Variants in CFAP20DC observed in about 807,000 individuals in gnomAD.
CFAP20DC encodes the protein CFAP20 domain containing.
CFAP20DC carries 84 observed loss-of-function variants against 101.7 expected under a neutral mutation model. The observed-to-expected ratio is 0.83, with a 90% confidence interval of 0.69 to 0.99. The LOEUF is 0.99. Ranked by LOEUF, CFAP20DC falls within the 50% of genes least tolerant of loss-of-function variation. The pLI, the probability that CFAP20DC is intolerant of heterozygous loss-of-function variation, is 0.00. For synonymous variants in CFAP20DC, 359 were observed against 351.2 expected (o/e 1.02, Z -0.25); for missense variants, 1,007 against 970.3 (o/e 1.04, Z -0.50).
intron 15 of CFAP20DC, among the ~76,000 whole-genome samples, chr3:58,804,768 T>C (rs980526264): frequency 6.6e-6 from 1 of 152,228 alleles, no homozygotes; most frequent in Non-Finnish European, 1.5e-5. Context: ...CTAGATGAGC[T>C]GCAAGATTCT....
intron 4 of CFAP20DC, among the ~76,000 whole-genome samples, chr3:58,950,931 G>C: frequency 6.6e-6 from 1 of 152,110 alleles, no homozygotes; most frequent in East Asian, 1.9e-4. Context: ...TAAACTAAAA[G>C]CTTCTGCACA....
intron 5 of CFAP20DC, among the ~76,000 whole-genome samples, chr3:58,925,942 T>C (rs1402557125): frequency 6.6e-6 from 1 of 152,228 alleles, no homozygotes; most frequent in Non-Finnish European, 1.5e-5. Flanking sequence ...AATAAACTTA[T>C]TTTGAATTAG....
chr3:58,890,513 C>T (rs1466139372), intron 6 of CFAP20DC, among the ~76,000 whole-genome samples: 36 of 146,410 alleles, frequency 2.5e-4, no homozygotes, highest in Admixed American at 5.4e-4. Flanking sequence ...TAGGGGCAGC[C>T]GGGCAGAGGC....
rs1459032034 is a variant in CFAP20DC, at chr3:59,001,915, AAAG to A, written c.278+37639_278+37641del. On this transcript the variant is annotated intron_variant, in intron 4 of 16. Coordinates refer to ENST00000482387, the MANE Select transcript of CFAP20DC (RefSeq NM_001394063.1). The surrounding 1 kb of genome is among the most constrained non-coding windows in gnomAD (Gnocchi z 4.5). The stretch of plus-strand genomic sequence containing the variant: ...GAAGGACAAAAACGTGACATGTGGT[AAAG>A]AAGAGATTCCAAAACAGAGACATTC... 6.6e-6 allele frequency among the ~76,000 whole-genome samples: 1 copy of A among 152,224 alleles called. No homozygotes were observed. Among genetic ancestry groups the A allele is most frequent in the African/African-American group, 2.4e-5 (1 of 41,456 alleles).
intron 6 of CFAP20DC, among the ~76,000 whole-genome samples, chr3:58,896,056 T>C (rs1384777840): frequency 1.3e-5 from 2 of 152,234 alleles, no homozygotes; most frequent in Non-Finnish European, 2.9e-5. Context: ...TCCGTATCAC[T>C]GCTTCAATTT....
chr3:58,913,936 A>C lies in CFAP20DC; in HGVS notation c.394-72T>G. Reference sequence around the variant, plus strand: ...ATAAATGAACAAACCATCTATATGTAGACATTCAAAGAGTTGAGGCAGTTA... The same window carrying C: ...ATAAATGAACAAACCATCTATATGTCGACATTCAAAGAGTTGAGGCAGTTA... On this transcript the variant is annotated intron_variant, in intron 5 of 16. Coordinates refer to ENST00000482387, the MANE Select transcript of CFAP20DC (RefSeq NM_001394063.1). This position sits in a 1 kb window ranked among gnomAD's most constrained non-coding sequence, Gnocchi z 4.4. 6.7e-7 allele frequency: 1 copy of C among 1,492,078 alleles called. No individual in the cohort carries two copies. The highest frequency in any genetic ancestry group is 9.2e-7 in the Non-Finnish European group (1 of 1,081,846). 92.4% of individuals were successfully genotyped at this position (1,492,078 alleles called of 1,614,324 possible).
intron 15 of CFAP20DC, among the ~76,000 whole-genome samples, chr3:58,778,611 TTGC>T (rs2107551214): frequency 6.6e-6 from 1 of 152,312 alleles, no homozygotes; most frequent in African/African-American, 2.4e-5. Context: ...ACCTGATCCC[TTGC>T]TGCTATTTCT....
At chr3:58,958,516 C>T (rs1004275655) in intron 4 of CFAP20DC, among the ~76,000 whole-genome samples, 4 of 152,098 alleles carry the variant, frequency 2.6e-5, no homozygotes, top group Non-Finnish European at 4.4e-5. Context: ...TATGTGGACA[C>T]GTTTTCACTG....
chr3:58,876,441 G>A lies in CFAP20DC; in HGVS notation c.716-6132C>T, dbSNP rs536692221. Among the ~76,000 whole-genome samples, 111 of 152,066 alleles carry A rather than the reference G, an allele frequency of 7.3e-4. 1 individual carries two copies. The South Asian group carries it at 0.01, about 14-fold the overall frequency. On this transcript the variant is annotated intron_variant, in intron 7 of 16. Transcript: ENST00000482387. ...AATGCATGCTTTTGAATTCTAAAAG[G>A]AGCTCTTTTAAGAGCTGATATCAAT...
Position 58,864,992 on chromosome 3 carries a change from T to C in CFAP20DC, c.1259-1100A>G, listed in dbSNP as rs1168602723. Reference sequence around the variant, plus strand: ...TTTATAGCTCTATGATCCTGATGAATTGAAAAAGACAGATCTTTATAATGA... The same window carrying C: ...TTTATAGCTCTATGATCCTGATGAACTGAAAAAGACAGATCTTTATAATGA... On this transcript the variant is annotated intron_variant, in intron 11 of 16. Coordinates refer to ENST00000482387, the MANE Select transcript of CFAP20DC (RefSeq NM_001394063.1). The surrounding 1 kb of genome is among the most constrained non-coding windows in gnomAD (Gnocchi z 4.7). Among the ~76,000 whole-genome samples, 1 of 152,162 alleles carries C rather than the reference T, an allele frequency of 6.6e-6. No individual in the cohort carries two copies. The highest frequency in any genetic ancestry group is 1.9e-4 in the East Asian group (1 of 5,206).
chr3:58,737,745 G>A (rs1246719090), downstream of CFAP20DC, among the ~76,000 whole-genome samples: 3 of 152,172 alleles, frequency 2.0e-5, no homozygotes, highest in Non-Finnish European at 2.9e-5. The surrounding 1 kb of genome is among the most constrained non-coding windows in gnomAD (Gnocchi z 4.1). Context: ...GATCCTTGAG[G>A]TGTAAAGGCT....
At chr3:58,808,907 T>C (rs2074356971) in intron 14 of CFAP20DC, among the ~76,000 whole-genome samples, 1 of 151,780 alleles carries the variant, frequency 6.6e-6, no homozygotes, top group East Asian at 1.9e-4. Flanking sequence ...AAGGCAGGGG[T>C]TGCAATCCTA....
rs1056181432 is a variant in CFAP20DC, at chr3:58,721,040, T to G, written c.198-3412A>C. Reference sequence around the variant, plus strand: ...AGAAAACCTCCTCAGACTCCAAGGCTAGGTTAGGTTCCTCATTTTTCTCTC... The same window carrying G: ...AGAAAACCTCCTCAGACTCCAAGGCGAGGTTAGGTTCCTCATTTTTCTCTC... On this transcript the variant is annotated intron_variant, in intron 3 of 3. Coordinates refer to the CFAP20DC transcript ENST00000486145. The surrounding 1 kb of genome is among the most constrained non-coding windows in gnomAD (Gnocchi z 5.2). Among the ~76,000 whole-genome samples the G allele has an allele frequency of 6.6e-6, 1 of 152,154 alleles. No homozygotes were observed. The highest frequency in any genetic ancestry group is 2.4e-5 in the African/African-American group (1 of 41,444).
At chr3:58,771,645 A>C (rs2070857159) in intron 15 of CFAP20DC, among the ~76,000 whole-genome samples, 1 of 152,334 alleles carries the variant, frequency 6.6e-6, no homozygotes, top group East Asian at 1.9e-4. Flanking sequence ...ATTTTCCCTG[A>C]GAAGGACATT....
chr3:58,923,374 TG>T (rs1251968151), intron 5 of CFAP20DC, among the ~76,000 whole-genome samples: 1 of 152,208 alleles, frequency 6.6e-6, no homozygotes, highest in Non-Finnish European at 1.5e-5. Flanking sequence ...TTTTCAGTTT[TG>T]ACAACTTCCT....
intron 7 of CFAP20DC, among the ~76,000 whole-genome samples, chr3:58,880,259 T>C (rs1305904447): frequency 6.6e-6 from 1 of 152,208 alleles, no homozygotes; most frequent in African/African-American, 2.4e-5. Flanking sequence ...AAAAATTTTA[T>C]GCATATATCA....
rs2067669735 is a variant in CFAP20DC, at chr3:58,732,782, A to G, written c.198-15154T>C. Among the ~76,000 whole-genome samples the G allele has an allele frequency of 6.6e-6, 1 of 152,202 alleles. No individual in the cohort carries two copies. The highest frequency in any genetic ancestry group is 6.5e-5 in the Admixed American group (1 of 15,288). ...GCCAAAGGCAGAAAATACCTCAGAA[A>G]GAGATGGAAAACCATGGTTTTGAAG... On this transcript the variant is annotated intron_variant, in intron 3 of 3. Coordinates refer to the CFAP20DC transcript ENST00000486145. The surrounding 1 kb of genome is among the most constrained non-coding windows in gnomAD (Gnocchi z 5.4).
chr3:58,919,160 G>A (rs1401410379), intron 5 of CFAP20DC, among the ~76,000 whole-genome samples: 3 of 152,072 alleles, frequency 2.0e-5, no homozygotes, highest in African/African-American at 4.8e-5. Flanking sequence ...GATGATTTGT[G>A]TTTGTTCTAT....
chr3:59,047,655 T>C (rs772595510), intron 1 of CFAP20DC, among the ~76,000 whole-genome samples: 7 of 152,228 alleles, frequency 4.6e-5, no homozygotes, highest in Non-Finnish European at 8.8e-5. Flanking sequence ...ATTCAGGTAG[T>C]TATCTCCAAA....
Sources: gnomAD v4.1 joint callset for allele counts (sites outside exome capture counted in the v4.1 genomes callset) on GRCh38, gnomAD v4.1.1 for gene constraint, Gnocchi (gnomAD v3.1) non-coding constraint, MANE v1.5 for transcripts, NCBI Gene and HGNC (gene_info 2026-07-23, HGNC 2026-07-21) for gene names.